The following OR2AP1 variants were observed in gnomAD, a reference collection of about 807,000 sequenced individuals.
The protein encoded by OR2AP1 is olfactory receptor 2AP1.
A neutral mutation model predicts 13.9 loss-of-function variants in OR2AP1; 20 were observed. The ratio of observed to expected loss-of-function variants is 1.44; its 90% CI spans 1.01 to 2.09. The LOEUF (loss-of-function observed/expected upper bound fraction) is 2.09, where lower values mean the gene tolerates loss of function less well. OR2AP1 is among the 30% of genes most tolerant of loss of function. The pLI is 0.00. For synonymous variants in OR2AP1, 174 were observed against 137.0 expected (o/e 1.27, Z -1.89); for missense variants, 490 against 360.6 (o/e 1.36, Z -2.91).
At chr12:55,574,180 T>G in intron 1 of OR2AP1, 40 bp from the exon 2 acceptor site, 1 of 506,296 alleles carries the variant, frequency 2.0e-6, no homozygotes, top group Non-Finnish European at 3.5e-6. Context: ...CTAGGGAGAG[T>G]ACAATGTGGA....
In OR2AP1 at chr12:55,575,322, T is replaced by C. The variant is rs1170211857; in HGVS notation, c.908T>C (p.Val303Ala). Residue 303 changes from valine (V) to alanine (A), a missense_variant, in exon 2 of 2, where the codon GTC (valine) becomes GCC (alanine). Physicochemically the swap from Val to Ala is moderately conservative, Grantham distance 64. Coordinates refer to ENST00000641114, the MANE Select transcript of OR2AP1 (RefSeq NM_001258285.2). ...GTAAAACAACCCTTCAAGGATATGG[T>C]CAAAAAGCTTCTGAATCTTTAAAGA... The part of the protein sequence containing the change: ...QQVKQPFKDM[V>A]KKLLNL 6.6e-7 allele frequency: 1 copy of C among 1,504,090 alleles called. No homozygotes were observed. Among genetic ancestry groups the C allele is most frequent in the Non-Finnish European group, 8.9e-7 (1 of 1,128,712 alleles). 93.2% of individuals were successfully genotyped at this position (1,504,090 alleles called of 1,614,324 possible).
chr12:55,574,861 T>G lies in OR2AP1; in HGVS notation c.447T>G (p.Gly149=). The G allele has an allele frequency of 6.4e-7, 1 of 1,563,716 alleles. No individual in the cohort carries two copies. Among genetic ancestry groups the G allele is most frequent in the Non-Finnish European group, 8.7e-7 (1 of 1,155,494 alleles). ...AGCTGATTTTCTGCTCTTGGCTGGG[T>G]GGGCTAATGGCTATTATACCAACAA... ...CIQLIFCSWL[G]GLMAIIPTIT... Residue 149 remains glycine (G), a synonymous_variant, in exon 2 of 2, where the codon GGT becomes GGG. Transcript: ENST00000641114.
At position 55,573,587 on chromosome 12, in the gene OR2AP1, A is replaced by G. The variant is rs150134654; in HGVS notation, c.-195-633A>G. Among the ~76,000 whole-genome samples, 331 of 152,356 alleles carry G rather than the reference A, an allele frequency of 2.2e-3. 1 individual carries two copies. The highest frequency in any genetic ancestry group is 7.4e-3 in the African/African-American group (309 of 41,590). On this transcript the variant is annotated intron_variant, in intron 1 of 1. Transcript: ENST00000641114. ...ACATAGTAAATCTAATCTAGGGATT[A>G]GTAGATCCCTGGTTTAAAAGTTCTT... is the stretch of plus-strand genomic sequence containing the variant.
rs1874533338 is a variant in OR2AP1 at position 55,575,211 on chromosome 12, A to G, written c.797A>G (p.Asp266Gly). 1 of 1,587,734 alleles carries G rather than the reference A, an allele frequency of 6.3e-7. No homozygotes were observed. Among genetic ancestry groups the G allele is most frequent in the Non-Finnish European group, 8.5e-7 (1 of 1,172,042 alleles). Residue 266 changes from aspartate (D) to glycine (G), a missense_variant, in exon 2 of 2, where the codon GAT becomes GGT. Transcript: ENST00000641114. Reference protein sequence around the residue: ...MYINPSAKEGDTFNKGVALLI... With the variant: ...MYINPSAKEGGTFNKGVALLI... The stretch of plus-strand genomic sequence containing the variant: ...ATTAATCCCTCTGCAAAAGAAGGGG[A>G]TACATTCAACAAGGGAGTAGCTCTA...
At chr12:55,573,944 G>T (rs1340501351) in intron 1 of OR2AP1, among the ~76,000 whole-genome samples, 1 of 151,848 alleles carries the variant, frequency 6.6e-6, no homozygotes, top group African/African-American at 2.4e-5. Flanking sequence ...ATATTTATAT[G>T]AAAAAAAGGT....
rs1319969614 is a variant in OR2AP1 at position 55,574,764 on chromosome 12, C to T, written c.350C>T (p.Ser117Phe). The T allele has an allele frequency of 6.2e-7, 1 of 1,604,522 alleles. No individual in the cohort carries two copies. The highest frequency in any genetic ancestry group is 8.5e-7 in the Non-Finnish European group (1 of 1,175,338). ...ATEFYLLAAM[S>F]YDRYVAICKP... ...GAGTTTTACCTTCTGGCTGCCATGTCCTATGACCGCTATGTGGCCATCTGC... is the reference window on the plus strand; with the variant it reads ...GAGTTTTACCTTCTGGCTGCCATGTTCTATGACCGCTATGTGGCCATCTGC... Residue 117 changes from serine (S) to phenylalanine (F), a missense_variant, in exon 2 of 2, where the codon TCC (serine) becomes TTC (phenylalanine). Physicochemically the swap from Ser to Phe is radical, Grantham distance 155 (BLOSUM62 -2). Coordinates refer to ENST00000641114, the MANE Select transcript of OR2AP1 (RefSeq NM_001258285.2).
In OR2AP1 at chr12:55,574,231, C is replaced by A; in HGVS notation, c.-184C>A. 1.7e-6 allele frequency: 1 copy of A among 579,900 alleles called. No homozygotes were observed. Among genetic ancestry groups the A allele is most frequent in the Non-Finnish European group, 3.0e-6 (1 of 329,332 alleles). The allele number at this position is 579,900 out of a possible 1,614,324, so 35.9% of individuals were successfully genotyped here. On this transcript the variant is annotated 5_prime_UTR_variant, in exon 2 of 2. It adds an upstream start codon to the 5' untranslated region. Transcript: ENST00000641114. The stretch of plus-strand genomic sequence containing the variant: ...ACTTTCCTCCATAGGGCAAATGGGA[C>A]TGGGAAGGATCCAACATCATTCAAA...
Position 55,575,409 on chromosome 12 carries a change from G to A in OR2AP1, c.*65G>A. 1 of 828,488 alleles carries A rather than the reference G, an allele frequency of 1.2e-6. No homozygotes were observed. The highest frequency in any genetic ancestry group is 1.8e-6 in the Non-Finnish European group (1 of 541,974). 51.3% of individuals were successfully genotyped at this position (828,488 alleles called of 1,614,324 possible). A position where few individuals can be genotyped will look rare whatever the true frequency, so the allele number is the denominator to read the frequency against. ...GCAAAGACTTGGAACCAACCCAAATGTCCAACAATGATAGACTGGATTAAG... is the reference window on the plus strand; with the variant it reads ...GCAAAGACTTGGAACCAACCCAAATATCCAACAATGATAGACTGGATTAAG... On this transcript the variant is annotated 3_prime_UTR_variant, in exon 2 of 2. Coordinates refer to ENST00000641114, the MANE Select transcript of OR2AP1 (RefSeq NM_001258285.2).
In OR2AP1 at chr12:55,574,925, A is replaced by T; in HGVS notation, c.511A>T (p.Arg171Ter). 6.5e-7 allele frequency: 1 copy of T among 1,539,036 alleles called. No individual in the cohort carries two copies. The highest frequency in any genetic ancestry group is 8.7e-7 in the Non-Finnish European group (1 of 1,147,182). Residue 171 changes from arginine (R) to a stop codon, truncating the protein, a stop_gained, in exon 2 of 2, where the codon AGA becomes TGA. Coordinates refer to ENST00000641114, the MANE Select transcript of OR2AP1 (RefSeq NM_001258285.2). LOFTEE classifies it high-confidence loss of function. ...TCAGCAGGACTTTTGTGCATCCAAC[A>T]GACTGAATCATTACTTCTGTGACTA... Reference protein sequence around the residue: ...MSQQDFCASNRLNHYFCDYEP... With the variant: ...MSQQDFCASN
chr12:55,575,059 C>G lies in OR2AP1; in HGVS notation c.645C>G (p.Ser215=). ...TCACTCTGGTGCTAGTGATTCTCTC[C>G]TATGCATTCATTATCAAGACTATTC... is the stretch of plus-strand genomic sequence containing the variant. ...LVVTLVLVIL[S]YAFIIKTILK... The change falls in exon 2 of 2, where the codon TCC becomes TCG. Residue 215 remains serine, a synonymous_variant. Transcript: ENST00000641114. 6.5e-7 allele frequency: 1 copy of G among 1,544,312 alleles called. No individual in the cohort carries two copies. The highest frequency in any genetic ancestry group is 8.7e-7 in the Non-Finnish European group (1 of 1,149,944).
In OR2AP1 at chr12:55,574,703, A is replaced by G. The variant is rs955408366; in HGVS notation, c.289A>G (p.Thr97Ala). The G allele has an allele frequency of 1.9e-6, 3 of 1,563,068 alleles. No individual in the cohort carries two copies. Among genetic ancestry groups the G allele is most frequent in the East Asian group, 2.4e-5 (1 of 42,090 alleles). The change falls in exon 2 of 2, where the codon ACT (threonine) becomes GCT (alanine). Residue 97 changes from threonine to alanine, a missense_variant. Thr to Ala is a moderately conservative substitution (Grantham distance 58). Coordinates refer to ENST00000641114, the MANE Select transcript of OR2AP1 (RefSeq NM_001258285.2). ...NKSISFAGCFTQYFFAMFLGA... is the reference protein window; with the variant it reads ...NKSISFAGCFAQYFFAMFLGA... The stretch of plus-strand genomic sequence containing the variant: ...GAGTATCAGCTTTGCTGGCTGCTTC[A>G]CTCAGTATTTCTTTGCCATGTTCCT...
intron 1 of OR2AP1, among the ~76,000 whole-genome samples, chr12:55,573,058 G>T (rs1049785989): frequency 2.6e-5 from 4 of 151,998 alleles, no homozygotes; most frequent in African/African-American, 9.7e-5. Flanking sequence ...CATGCCTGTG[G>T]TCCCAGCTAA....
intron 1 of OR2AP1, among the ~76,000 whole-genome samples, chr12:55,573,583 G>T (rs1450084200): frequency 6.6e-6 from 1 of 152,096 alleles, no homozygotes; most frequent in Admixed American, 6.6e-5. Flanking sequence ...CTAATCTAGG[G>T]ATTAGTAGAT....
intron 1 of OR2AP1, among the ~76,000 whole-genome samples, chr12:55,573,219 G>C (rs1436998049): frequency 6.6e-6 from 1 of 151,758 alleles, no homozygotes; most frequent in Non-Finnish European, 1.5e-5. Context: ...ATGTGGTAAG[G>C]AACGCTCTAT....
Position 55,574,582 on chromosome 12 carries a change from C to T in OR2AP1, c.168C>T (p.Pro56=). Residue 56 remains proline (P), a synonymous_variant, in exon 2 of 2, where the codon CCC becomes CCT. Coordinates refer to ENST00000641114, the MANE Select transcript of OR2AP1 (RefSeq NM_001258285.2). The part of the protein sequence containing the change: ...LTLLDSHLQT[P]MYFFLRNFSF... The stretch of plus-strand genomic sequence containing the variant: ...TGCTGGACTCCCACCTTCAGACTCC[C>T]ATGTATTTCTTTCTCCGGAACTTCT... The T allele has an allele frequency of 6.5e-7, 1 of 1,540,568 alleles. No homozygotes were observed. Among genetic ancestry groups the T allele is most frequent in the South Asian group, 1.2e-5 (1 of 84,234 alleles).
Position 55,572,612 on chromosome 12 carries a change from G to A in OR2AP1, c.-206G>A, listed in dbSNP as rs1184361609. The A allele has an allele frequency of 6.6e-6, 1 of 152,032 alleles. No homozygotes were observed. Among genetic ancestry groups the A allele is most frequent in the Non-Finnish European group, 1.5e-5 (1 of 68,000 alleles). The allele number at this position is 152,032 out of a possible 1,614,324, so 9.4% of individuals were successfully genotyped here. On this transcript the variant is annotated 5_prime_UTR_variant, in exon 1 of 2. Coordinates refer to ENST00000641114, the MANE Select transcript of OR2AP1 (RefSeq NM_001258285.2). The stretch of plus-strand genomic sequence containing the variant: ...AGATGTGAATATTCAACCACTCCCT[G>A]AAGACTCCAGGTTAGTAACCAGGAG...
rs779401737 is a variant in OR2AP1 at position 55,575,039 on chromosome 12, C to G, written c.625C>G (p.Leu209Val). 10 of 1,539,154 alleles carry G rather than the reference C, an allele frequency of 6.5e-6. No individual in the cohort carries two copies. The African/African-American group carries it at 9.6e-5, about 15-fold the overall frequency. The part of the protein sequence containing the change: ...LVASVTLVVT[L>V]VLVILSYAFI... Reference sequence around the variant, plus strand: ...GGCATCTGTGACCCTGGTGGTCACTCTGGTGCTAGTGATTCTCTCCTATGC... The same window carrying G: ...GGCATCTGTGACCCTGGTGGTCACTGTGGTGCTAGTGATTCTCTCCTATGC... Residue 209 changes from leucine to valine, a missense_variant, in exon 2 of 2, where the codon CTG (leucine) becomes GTG (valine). By Grantham distance (32) the Leu-to-Val change is conservative. Coordinates refer to ENST00000641114, the MANE Select transcript of OR2AP1 (RefSeq NM_001258285.2).
rs1236574920 is a variant in OR2AP1, at chr12:55,575,003, G to A, written c.589G>A (p.Val197Ile). 6.5e-7 allele frequency: 1 copy of A among 1,537,680 alleles called. No homozygotes were observed. Residue 197 changes from valine to isoleucine, a missense_variant, in exon 2 of 2, where the codon GTC becomes ATC. Coordinates refer to ENST00000641114, the MANE Select transcript of OR2AP1 (RefSeq NM_001258285.2). ...AGACACAAGCCTCATAGAGAAGGTT[G>A]TCTTTCTTGTGGCATCTGTGACCCT... ...CSDTSLIEKV[V>I]FLVASVTLVV...
At chr12:55,572,677 C>G (rs1874453418) in intron 1 of OR2AP1, 55 bp downstream of exon 1, 1 of 152,228 alleles carries the variant, frequency 6.6e-6, no homozygotes, top group Admixed American at 6.5e-5. Flanking sequence ...GCTACCATCC[C>G]CAGCACCACC....
Sources: gnomAD v4.1 joint callset for allele counts (sites outside exome capture counted in the v4.1 genomes callset) on GRCh38, gnomAD v4.1.1 for gene constraint, MANE v1.5 for transcripts, NCBI Gene and HGNC (gene_info 2026-07-23, HGNC 2026-07-21) for gene names.